NELL1: variants seen among roughly 807,000 people sequenced by gnomAD.
The protein encoded by NELL1 is neural EGFL like 1, also known as protein kinase C-binding protein NELL1.
A neutral mutation model predicts 107.4 loss-of-function variants in NELL1; 76 were observed. The observed-to-expected ratio is 0.71, with a 90% CI of 0.59 to 0.86. NELL1 has a LOEUF of 0.86. NELL1 is among the 40% of genes least tolerant of loss of function. NELL1 has a pLI of 0.00. For synonymous variants in NELL1, 353 were observed against 341.2 expected, an observed-to-expected ratio of 1.03 and a Z score of -0.38; for missense variants, 1,024 against 1,005.5, an observed-to-expected ratio of 1.02 and a Z score of -0.25.
chr11:20,811,682 T>C (rs11025768), intron 3 of NELL1, among the ~76,000 whole-genome samples: 34,729 of 151,930 alleles, frequency 0.23, 4,395 homozygotes, highest in African/African-American at 0.32. Context: ...TTCTGGGTAA[T>C]ATTTTTGGTA....
At chr11:21,516,208 A>G (rs187364893) in intron 15 of NELL1, among the ~76,000 whole-genome samples, 4 of 152,324 alleles carry the variant, frequency 2.6e-5, no homozygotes, top group African/African-American at 9.6e-5. Context: ...GTTCTAATCT[A>G]TAAAATGGAG....
Position 21,450,804 on chromosome 11 carries a change from TATA to T in NELL1, c.1645+79860_1645+79862del, listed in dbSNP as rs560047940. 3.6e-3 allele frequency among the ~76,000 whole-genome samples: 543 copies of T among 151,906 alleles called. 4 individuals are homozygous for T. Among genetic ancestry groups the T allele is most frequent in the South Asian group, 0.015 (70 of 4,826 alleles). On this transcript the variant is annotated intron_variant, in intron 15 of 19. Transcript: ENST00000357134. Reference sequence around the variant, plus strand: ...TGAATAGTCCCTTTCTTAACATTAATATAATATTTTTTTCTGTTTTTTTAATGA... The same window carrying T: ...TGAATAGTCCCTTTCTTAACATTAATATATTTTTTTCTGTTTTTTTAATGA...
chr11:21,081,366 A>C (rs191840483), intron 12 of NELL1, among the ~76,000 whole-genome samples: 1 of 152,196 alleles, frequency 6.6e-6, no homozygotes, highest in African/African-American at 2.4e-5. Flanking sequence ...CTAGGCTTCC[A>C]ACCTGGTTTC....
rs1010541299 is a variant in NELL1 at position 21,474,945 on chromosome 11, T to TA, written c.1646-59428dup. On this transcript the variant is annotated intron_variant, in intron 15 of 19. Coordinates refer to ENST00000357134, the MANE Select transcript of NELL1 (RefSeq NM_006157.5). Reference sequence around the variant, plus strand: ...TTGACCAAGCTTTTGTTGCATCGCTTATCTTAGTTCAATGCGTATCAGAAC... The same window carrying TA: ...TTGACCAAGCTTTTGTTGCATCGCTTAATCTTAGTTCAATGCGTATCAGAAC... 7.6e-4 allele frequency among the ~76,000 whole-genome samples: 116 copies of TA among 152,256 alleles called. 1 individual carries two copies. The highest frequency in any genetic ancestry group is 2.7e-3 in the African/African-American group (111 of 41,564).
At chr11:21,390,976 T>A (rs1036406101) in intron 15 of NELL1, among the ~76,000 whole-genome samples, 2 of 151,764 alleles carry the variant, frequency 1.3e-5, no homozygotes, top group Non-Finnish European at 2.9e-5. Flanking sequence ...CCTGAATCCT[T>A]TGTATTTATC....
intron 14 of NELL1, among the ~76,000 whole-genome samples, chr11:21,350,729 T>A (rs923021422): frequency 2.6e-5 from 4 of 152,170 alleles, no homozygotes; most frequent in African/African-American, 7.2e-5. Context: ...AGACACCATC[T>A]GTATGTTTCA....
intron 4 of NELL1, among the ~76,000 whole-genome samples, chr11:20,857,357 C>T (rs894133617): frequency 1.4e-4 from 21 of 152,194 alleles, no homozygotes; most frequent in Non-Finnish European, 2.1e-4. Flanking sequence ...TCACTCCCCT[C>T]GAACCTCAGC....
chr11:21,306,864 C>CAATA (rs1228165738), intron 14 of NELL1, among the ~76,000 whole-genome samples: 4 of 151,994 alleles, frequency 2.6e-5, no homozygotes, highest in Non-Finnish European at 5.9e-5. Flanking sequence ...CCATCATGAG[C>CAATA]ATAGAATGTA....
At chr11:20,968,356 AAAGGAAGG>A (rs113924334) in intron 12 of NELL1, among the ~76,000 whole-genome samples, 1 of 151,276 alleles carries the variant, frequency 6.6e-6, no homozygotes, top group Non-Finnish European at 1.5e-5. Flanking sequence ...TTAAAGAAAG[AAAGGAAGG>A]AAGGAAGGAA....
intron 5 of NELL1, among the ~76,000 whole-genome samples, chr11:20,901,630 G>T (rs2134132740): frequency 6.6e-6 from 1 of 150,960 alleles, no homozygotes; most frequent in East Asian, 1.9e-4. Context: ...CAGAGGCCAA[G>T]AATAACTAAG....
At chr11:21,016,621 C>T (rs1852571147) in intron 12 of NELL1, among the ~76,000 whole-genome samples, 1 of 152,080 alleles carries the variant, frequency 6.6e-6, no homozygotes, top group Non-Finnish European at 1.5e-5. Flanking sequence ...TCCCACTCTG[C>T]ACCCACCAGC....
At chr11:20,736,508 T>A (rs1022786293) in intron 2 of NELL1, among the ~76,000 whole-genome samples, 3 of 152,156 alleles carry the variant, frequency 2.0e-5, no homozygotes, top group Non-Finnish European at 4.4e-5. Flanking sequence ...TCAAGAATCA[T>A]CTTGGAGTTT....
intron 5 of NELL1, among the ~76,000 whole-genome samples, chr11:20,898,426 G>C (rs1044831600): frequency 6.6e-6 from 1 of 151,858 alleles, no homozygotes; most frequent in African/African-American, 2.4e-5. Context: ...GTCATGGGGT[G>C]GGGGGAAGGG....
chr11:21,449,453 T>C (rs930581732), intron 15 of NELL1, among the ~76,000 whole-genome samples: 1 of 152,222 alleles, frequency 6.6e-6, no homozygotes, highest in Non-Finnish European at 1.5e-5. Context: ...TTATAGATTT[T>C]GATAAAATTC....
chr11:21,555,145 A>G (rs1856676019), intron 16 of NELL1, among the ~76,000 whole-genome samples: 1 of 151,888 alleles, frequency 6.6e-6, no homozygotes, highest in South Asian at 2.1e-4. Flanking sequence ...TGTTAATGGC[A>G]TAGAGTAGAT....
chr11:20,974,064 C>A (rs930901247), intron 12 of NELL1, among the ~76,000 whole-genome samples: 3 of 152,196 alleles, frequency 2.0e-5, no homozygotes, highest in African/African-American at 7.2e-5. Context: ...AATGAGCATT[C>A]TCTTTACAAG....
chr11:20,681,561 C>T (rs1422660482), intron 2 of NELL1, among the ~76,000 whole-genome samples: 4 of 152,062 alleles, frequency 2.6e-5, no homozygotes, highest in East Asian at 1.9e-4. Flanking sequence ...TATCCAATGC[C>T]GAAGCCTCTT....
chr11:21,069,862 A>G (rs1190322759), intron 12 of NELL1, among the ~76,000 whole-genome samples: 2 of 152,148 alleles, frequency 1.3e-5, no homozygotes, highest in African/African-American at 2.4e-5. Flanking sequence ...TGTTTGGGAA[A>G]GCCATGTAAC....
chr11:21,212,511 T>TA (rs1857520481), intron 13 of NELL1, among the ~76,000 whole-genome samples: 1 of 152,108 alleles, frequency 6.6e-6, no homozygotes, highest in East Asian at 1.9e-4. Context: ...CCTGTGGCAA[T>TA]AAAAAACTGC....
Sources: allele counts gnomAD v4.1 joint callset (sites outside exome capture counted in the v4.1 genomes callset), GRCh38; gene constraint gnomAD v4.1.1; transcripts MANE v1.5; gene names NCBI Gene and HGNC (gene_info 2026-07-23, HGNC 2026-07-21).